Variants in SUPT3H observed in about 807,000 individuals in gnomAD.
SUPT3H encodes transcription initiation protein SPT3 homolog.
A neutral mutation model predicts 44.3 loss-of-function variants in SUPT3H; 44 were observed. That is an observed-to-expected ratio of 0.99 (90% CI 0.78 to 1.28). SUPT3H has a LOEUF of 1.28. Among genes scored for constraint, SUPT3H ranks in the 50% most tolerant of loss-of-function variants. The pLI, the probability that SUPT3H is intolerant of heterozygous loss-of-function variation, is 0.00. For synonymous variants in SUPT3H, 124 were observed against 125.6 expected, an observed-to-expected ratio of 0.99 and a Z score of 0.09; for missense variants, 380 against 387.1, an observed-to-expected ratio of 0.98 and a Z score of 0.15.
At chr6:45,121,800 T>C (rs1384950496) in intron 2 of SUPT3H, among the ~76,000 whole-genome samples, 1 of 151,958 alleles carries the variant, frequency 6.6e-6, no homozygotes, top group Non-Finnish European at 1.5e-5. Flanking sequence ...CTCAGTCTCC[T>C]GAGTAGCTGG....
intron 2 of SUPT3H, among the ~76,000 whole-genome samples, chr6:45,310,386 C>A (rs370545896): frequency 3.9e-5 from 6 of 152,208 alleles, no homozygotes; most frequent in African/African-American, 1.4e-4. Flanking sequence ...CCTGGGAGTT[C>A]TAGGGCCCCA....
chr6:45,158,298 A>ATATATATATATATATATATTTTTTTTT, intron 2 of SUPT3H, among the ~76,000 whole-genome samples: 1 of 99,688 alleles, frequency 1.0e-5, no homozygotes, highest in African/African-American at 5.0e-5. Flanking sequence ...ATATATATAT[A>ATATATATATATATATATATTTTTTTTT]TTTTTTTTTT....
intron 2 of SUPT3H, among the ~76,000 whole-genome samples, chr6:45,148,744 A>C (rs1316381041): frequency 6.6e-6 from 1 of 152,160 alleles, no homozygotes; most frequent in Non-Finnish European, 1.5e-5. Flanking sequence ...AATATATTGC[A>C]GTATTTATTT....
intron 6 of SUPT3H, among the ~76,000 whole-genome samples, chr6:44,971,872 A>G (rs1160695074): frequency 6.6e-6 from 1 of 152,108 alleles, no homozygotes; most frequent in East Asian, 1.9e-4. Context: ...TCCTGGGTTC[A>G]TGCCATTCTC....
intron 2 of SUPT3H, among the ~76,000 whole-genome samples, chr6:45,254,996 T>C (rs561731101): frequency 1.3e-5 from 2 of 152,344 alleles, no homozygotes; most frequent in Admixed American, 1.3e-4. Flanking sequence ...ATCAATTTGC[T>C]GTACTGCACC....
chr6:44,890,558 A>G (rs1428747874), intron 10 of SUPT3H, among the ~76,000 whole-genome samples: 1 of 138,576 alleles, frequency 7.2e-6, no homozygotes, highest in African/African-American at 2.7e-5. Context: ...GAATTGAACA[A>G]TGAGAACACA....
intron 2 of SUPT3H, among the ~76,000 whole-genome samples, chr6:45,135,118 C>A (rs1433251462): frequency 6.6e-6 from 1 of 152,150 alleles, no homozygotes; most frequent in African/African-American, 2.4e-5. Context: ...AACAATAAAC[C>A]ACAAACAGAT....
chr6:45,078,298 G>A (rs760498513), intron 3 of SUPT3H, among the ~76,000 whole-genome samples: 12 of 152,052 alleles, frequency 7.9e-5, no homozygotes, highest in Non-Finnish European at 1.5e-4. Flanking sequence ...AAATACTCTC[G>A]ACTTTTCCAC....
chr6:45,269,556 T>G (rs1444703763), intron 2 of SUPT3H, among the ~76,000 whole-genome samples: 1 of 152,148 alleles, frequency 6.6e-6, no homozygotes, highest in Non-Finnish European at 1.5e-5. Context: ...TATTATCCCC[T>G]CAACCGACAT....
intron 3 of SUPT3H, among the ~76,000 whole-genome samples, chr6:45,052,691 A>G (rs928542189): frequency 2.0e-5 from 3 of 152,224 alleles, no homozygotes; most frequent in Non-Finnish European, 2.9e-5. Context: ...TCCTAAAGTC[A>G]TGAGAAATAA....
intron 2 of SUPT3H, among the ~76,000 whole-genome samples, chr6:45,283,386 G>A (rs540960087): frequency 4.9e-4 from 74 of 152,224 alleles, no homozygotes; most frequent in Middle Eastern, 3.4e-3. Flanking sequence ...AAGGGATGGA[G>A]GAAGATCTAC....
intron 6 of SUPT3H, among the ~76,000 whole-genome samples, chr6:44,968,258 G>C (rs922303677): frequency 3.3e-5 from 5 of 152,170 alleles, no homozygotes; most frequent in African/African-American, 1.2e-4. Flanking sequence ...ACTTCAAATG[G>C]AGTGGTTGGC....
At chr6:45,070,006 G>A (rs1794129166) in intron 3 of SUPT3H, among the ~76,000 whole-genome samples, 1 of 152,132 alleles carries the variant, frequency 6.6e-6, no homozygotes, top group Admixed American at 6.6e-5. Context: ...AACAAAGTGG[G>A]CACATTTGGC....
chr6:45,108,254 T>C (rs533239320), intron 2 of SUPT3H, among the ~76,000 whole-genome samples: 3 of 152,286 alleles, frequency 2.0e-5, no homozygotes, highest in African/African-American at 7.2e-5. Context: ...GGCTGGCGGA[T>C]TGCATGAGCT....
chr6:45,366,491 T>A (rs1318934557), intron 1 of SUPT3H, among the ~76,000 whole-genome samples: 1 of 152,174 alleles, frequency 6.6e-6, no homozygotes, highest in Non-Finnish European at 1.5e-5. Flanking sequence ...GCTATTGTAA[T>A]AAGCAGACCT....
At chr6:44,916,223 C>A (rs1767785072) in intron 10 of SUPT3H, among the ~76,000 whole-genome samples, 1 of 152,198 alleles carries the variant, frequency 6.6e-6, no homozygotes, top group African/African-American at 2.4e-5. Flanking sequence ...AAGCTGGAAA[C>A]TTATCATTAA....
intron 2 of SUPT3H, among the ~76,000 whole-genome samples, chr6:45,147,127 T>C (rs1055717712): frequency 6.6e-6 from 1 of 152,162 alleles, no homozygotes; most frequent in African/African-American, 2.4e-5. Context: ...AGAGGTTTAG[T>C]AAATTGCCGA....
intron 3 of SUPT3H, among the ~76,000 whole-genome samples, chr6:45,044,223 C>T (rs949543018): frequency 3.3e-5 from 5 of 152,156 alleles, no homozygotes; most frequent in Non-Finnish European, 7.4e-5. Context: ...AACCTCGCCC[C>T]TATGCACTTT....
chr6:44,989,772 T>C (rs1780344005), intron 6 of SUPT3H, among the ~76,000 whole-genome samples: 1 of 152,144 alleles, frequency 6.6e-6, no homozygotes, highest in South Asian at 2.1e-4. Flanking sequence ...CATCTTTTCA[T>C]ATACTTGTTA....
Sources: gnomAD v4.1 joint callset for allele counts (sites outside exome capture counted in the v4.1 genomes callset) on GRCh38, gnomAD v4.1.1 for gene constraint, MANE v1.5 for transcripts, NCBI Gene and HGNC (gene_info 2026-07-23, HGNC 2026-07-21) for gene names.